Variants in GIGYF2 observed in about 807,000 individuals in gnomAD.
GIGYF2 encodes the protein GRB10 interacting GYF protein 2.
GIGYF2 carries 25 observed loss-of-function variants against 208.1 expected under a neutral mutation model. The observed-to-expected ratio is 0.12, with a 90% CI of 0.09 to 0.17. GIGYF2 has a LOEUF of 0.17. Among genes scored for constraint, GIGYF2 ranks in the 10% least tolerant of loss-of-function variants. The pLI, the probability that GIGYF2 is intolerant of heterozygous loss-of-function variation, is 1.00. For synonymous variants in GIGYF2, 534 were observed against 543.8 expected (o/e 0.98, Z 0.25); for missense variants, 1,302 against 1,579.4 (o/e 0.82, Z 2.98).
At chr2:232,784,065 T>C (rs1699815797) in intron 8 of GIGYF2, among the ~76,000 whole-genome samples, 1 of 152,292 alleles carries the variant, frequency 6.6e-6, no homozygotes, top group African/African-American at 2.4e-5. Context: ...GGATCAAAAA[T>C]TTAGCTCCCT....
At chr2:232,704,606 A>T (rs1696002135) in intron 2 of GIGYF2, among the ~76,000 whole-genome samples, 1 of 152,056 alleles carries the variant, frequency 6.6e-6, no homozygotes, top group Non-Finnish European at 1.5e-5. Context: ...CGTGTTGGCC[A>T]GGCTGGTGTT....
intron 23 of GIGYF2, among the ~76,000 whole-genome samples, chr2:232,842,011 A>G (rs60726219): frequency 6.8e-6 from 1 of 147,658 alleles, no homozygotes; most frequent in African/African-American, 2.5e-5. Flanking sequence ...TTAAAAAAAA[A>G]TTTTTTTTTT....
intron 1 of GIGYF2, among the ~76,000 whole-genome samples, chr2:232,699,119 A>G (rs1278371790): frequency 6.6e-6 from 1 of 152,194 alleles, no homozygotes; most frequent in Non-Finnish European, 1.5e-5. Flanking sequence ...GGGAGGGGTT[A>G]ATTTTAAGTG....
chr2:232,740,871 T>A (rs1697944556), intron 3 of GIGYF2, among the ~76,000 whole-genome samples: 1 of 152,206 alleles, frequency 6.6e-6, no homozygotes, highest in Admixed American at 6.5e-5. Context: ...CTATGTAAAC[T>A]GAAGGAGTAG....
At chr2:232,801,566 A>C (rs572660020) in intron 14 of GIGYF2, among the ~76,000 whole-genome samples, 1 of 152,362 alleles carries the variant, frequency 6.6e-6, no homozygotes, top group Admixed American at 6.5e-5. Context: ...TGATGTTTTT[A>C]AATACGCATA....
At position 232,749,019 on chromosome 2, in the gene GIGYF2, G is replaced by A. The variant is rs759509725; in HGVS notation, c.204G>A (p.Leu68=). 1.2e-6 allele frequency: 2 copies of A among 1,602,914 alleles called. No homozygotes were observed. The highest frequency in any genetic ancestry group is 1.1e-5 in the South Asian group (1 of 90,858). The part of the protein sequence containing the change: ...IPSDLLDKEF[L]PILQEEPLPP... ...CAGACCTTCTGGATAAAGAATTTCT[G>A]CCTATCCTCCAGGAGGAACCCCTTC... The change falls in exon 5 of 29, where the codon CTG becomes CTA. Residue 68 remains leucine (L), a synonymous_variant. Transcript: ENST00000373563.
At chr2:232,854,260 G>T (rs1690466718) in intron 28 of GIGYF2, among the ~76,000 whole-genome samples, 1 of 152,158 alleles carries the variant, frequency 6.6e-6, no homozygotes, top group African/African-American at 2.4e-5. Context: ...TGGGAGGCCA[G>T]CGTGGGCGGA....
chr2:232,841,380 C>G (rs1483881774), intron 23 of GIGYF2, among the ~76,000 whole-genome samples: 1 of 151,984 alleles, frequency 6.6e-6, no homozygotes, highest in Non-Finnish European at 1.5e-5. Flanking sequence ...ACTGCAGCCT[C>G]CACCTCCTGA....
chr2:232,794,745 T>C lies in GIGYF2; in HGVS notation c.1283-3T>C. 1 of 1,611,142 alleles carries C rather than the reference T, an allele frequency of 6.2e-7. No homozygotes were observed. Among genetic ancestry groups the C allele is most frequent in the Non-Finnish European group, 8.5e-7 (1 of 1,177,332 alleles). ...GGATTTTCATCTGATTTTTTCCCCC[T>C]AGAAATGGTTGCTGATGTCCAGCAG... On this transcript the variant is annotated splice_polypyrimidine_tract_variant and splice_region_variant and intron_variant, in intron 12 of 28. Coordinates refer to ENST00000373563, the MANE Select transcript of GIGYF2 (RefSeq NM_001103146.3).
At chr2:232,778,788 T>A (rs1217328579) in intron 8 of GIGYF2, among the ~76,000 whole-genome samples, 1 of 151,922 alleles carries the variant, frequency 6.6e-6, no homozygotes, top group Non-Finnish European at 1.5e-5. Context: ...TGTGGGAAAA[T>A]GAGGGGAGGA....
chr2:232,712,730 A>G (rs1004993693), intron 2 of GIGYF2, among the ~76,000 whole-genome samples: 2 of 152,266 alleles, frequency 1.3e-5, no homozygotes, highest in African/African-American at 4.8e-5. Flanking sequence ...TTGGAGGTCC[A>G]TAGATTGTAC....
intron 15 of GIGYF2, among the ~76,000 whole-genome samples, chr2:232,808,220 T>C (rs1448847617): frequency 6.6e-6 from 1 of 152,248 alleles, no homozygotes; most frequent in Non-Finnish European, 1.5e-5. Flanking sequence ...AAAATTATAC[T>C]GTGTATTGCA....
intron 6 of GIGYF2, chr2:232,760,156 G>A (rs149179647): frequency 4.7e-4 from 90 of 189,662 alleles, no homozygotes; most frequent in African/African-American, 1.2e-3. Flanking sequence ...TTTAATCTAC[G>A]GTAGTGTTTT....
At chr2:232,811,032 A>C in intron 16 of GIGYF2, 1 of 514,564 alleles carries the variant, frequency 1.9e-6, no homozygotes, top group Non-Finnish European at 3.5e-6. Context: ...TTCACTCGGA[A>C]ACACGCCATC....
chr2:232,727,652 C>T (rs1697264897), intron 2 of GIGYF2, among the ~76,000 whole-genome samples: 1 of 152,210 alleles, frequency 6.6e-6, no homozygotes, highest in East Asian at 1.9e-4. Flanking sequence ...CTAGAGATCT[C>T]TACCTCTGTG....
At chr2:232,825,080 A>G (rs1214070456) in intron 21 of GIGYF2, among the ~76,000 whole-genome samples, 2 of 152,234 alleles carry the variant, frequency 1.3e-5, no homozygotes, top group Non-Finnish European at 2.9e-5. Flanking sequence ...CTCATTGACA[A>G]TGCCCCTAGT....
intron 2 of GIGYF2, among the ~76,000 whole-genome samples, chr2:232,707,673 T>G (rs1696184391): frequency 6.6e-6 from 1 of 150,894 alleles, no homozygotes; most frequent in Non-Finnish European, 1.5e-5. Flanking sequence ...AGTTTCGCTC[T>G]TTCATCCAGG....
chr2:232,735,360 G>A (rs1031559680), intron 3 of GIGYF2, 122 bp downstream of exon 3: 7 of 727,040 alleles, frequency 9.6e-6, no homozygotes, highest in South Asian at 4.7e-5. Context: ...TATGTGCCTC[G>A]CTGAAAACAA....
At chr2:232,716,277 T>C (rs545967532) in intron 2 of GIGYF2, among the ~76,000 whole-genome samples, 1 of 152,214 alleles carries the variant, frequency 6.6e-6, no homozygotes, top group Non-Finnish European at 1.5e-5. Context: ...TCTTTTAGCC[T>C]AGTAAATGAG....
Sources: gnomAD v4.1 joint callset for allele counts (sites outside exome capture counted in the v4.1 genomes callset) on GRCh38, gnomAD v4.1.1 for gene constraint, MANE v1.5 for transcripts, NCBI Gene and HGNC (gene_info 2026-07-23, HGNC 2026-07-21) for gene names.